Variants in UBE2L3 observed in about 807,000 individuals in gnomAD.
UBE2L3 encodes ubiquitin-conjugating enzyme E2 L3.
A neutral mutation model predicts 17.8 loss-of-function variants in UBE2L3; 1 was observed. The ratio of observed to expected loss-of-function variants is 0.06; its 90% confidence interval spans 0.02 to 0.27. The LOEUF (loss-of-function observed/expected upper bound fraction) is 0.27, where lower values mean the gene tolerates loss of function less well. UBE2L3 is among the 10% of genes least tolerant of loss of function. The pLI is 1.00. For missense variants in UBE2L3, 40 were observed against 192.6 expected (o/e 0.21, Z 4.69); for synonymous variants, 44 against 68.5 (o/e 0.64, Z 1.76).
At chr22:21,575,634 T>TTC (rs1927241440) in intron 1 of UBE2L3, among the ~76,000 whole-genome samples, 1 of 52,028 alleles carries the variant, frequency 1.9e-5, no homozygotes, top group Non-Finnish European at 3.9e-5. Context: ...TGAATAGCTT[T>TTC]TTTTTTTTTT....
At chr22:21,593,861 C>T (rs1327214396) in intron 2 of UBE2L3, among the ~76,000 whole-genome samples, 1 of 152,146 alleles carries the variant, frequency 6.6e-6, no homozygotes, top group Non-Finnish European at 1.5e-5. Context: ...CTCCTTCCTC[C>T]TCACTCTTAA....
chr22:21,584,622 A>G (rs185139774), intron 1 of UBE2L3, among the ~76,000 whole-genome samples: 1 of 151,312 alleles, frequency 6.6e-6, no homozygotes, highest in East Asian at 2.0e-4. Context: ...TGTAGAGATG[A>G]GGTCTTACTG....
At chr22:21,583,103 C>T (rs1013949676) in intron 1 of UBE2L3, among the ~76,000 whole-genome samples, 4 of 152,228 alleles carry the variant, frequency 2.6e-5, no homozygotes, top group Admixed American at 2.0e-4. Flanking sequence ...TTGGTAAACA[C>T]TGCAGCTAAA....
chr22:21,569,092 T>C (rs1166405893), intron 1 of UBE2L3, among the ~76,000 whole-genome samples: 1 of 152,126 alleles, frequency 6.6e-6, no homozygotes, highest in Non-Finnish European at 1.5e-5. Flanking sequence ...GATTTAAATT[T>C]AGAAAGATTT....
chr22:21,577,629 C>T (rs1302375579), intron 1 of UBE2L3, among the ~76,000 whole-genome samples: 2 of 152,138 alleles, frequency 1.3e-5, no homozygotes, highest in African/African-American at 4.8e-5. Flanking sequence ...GGGCCTTGCT[C>T]CTGCTTTTTA....
rs1417275638 is a variant in UBE2L3 at position 21,623,192 on chromosome 22, G to A, written c.*1523G>A. 1 of 152,296 alleles carries A rather than the reference G, an allele frequency of 6.6e-6. No homozygotes were observed. Among genetic ancestry groups the A allele is most frequent in the Non-Finnish European group, 1.5e-5 (1 of 68,046 alleles). The allele number at this position is 152,296 out of a possible 1,614,324, so 9.4% of individuals were successfully genotyped here. A position where few individuals can be genotyped will look rare whatever the true frequency, so the allele number is the denominator to read the frequency against. Reference sequence around the variant, plus strand: ...ATTCTATAACTTGAGATCTTTCCGGGGCCTACAGGCGTGTAAGACAGCTTG... The same window carrying A: ...ATTCTATAACTTGAGATCTTTCCGGAGCCTACAGGCGTGTAAGACAGCTTG... On this transcript the variant is annotated 3_prime_UTR_variant, in exon 4 of 4. Coordinates refer to ENST00000342192, the MANE Select transcript of UBE2L3 (RefSeq NM_003347.4).
At chr22:21,568,822 T>TCTCCA (rs1263186535) in intron 1 of UBE2L3, among the ~76,000 whole-genome samples, 5 of 152,168 alleles carry the variant, frequency 3.3e-5, no homozygotes, top group Non-Finnish European at 7.3e-5. Flanking sequence ...TTGGTAGAGC[T>TCTCCA]AGACATTGAA....
chr22:21,557,791 G>T (rs1375775058), intron 1 of UBE2L3, among the ~76,000 whole-genome samples: 1 of 152,276 alleles, frequency 6.6e-6, no homozygotes, highest in Non-Finnish European at 1.5e-5. Context: ...AAAGTGCTGG[G>T]ATTACAGGTG....
At chr22:21,568,302 G>T in intron 1 of UBE2L3, 1 of 985,766 alleles carries the variant, frequency 1.0e-6, no homozygotes, top group Non-Finnish European at 1.2e-6. Context: ...AGTTAGGTCA[G>T]TTTGTTGGTG....
chr22:21,582,013 A>G (rs1441939198), intron 1 of UBE2L3, among the ~76,000 whole-genome samples: 2 of 139,958 alleles, frequency 1.4e-5, no homozygotes, highest in African/African-American at 2.7e-5. Flanking sequence ...CCAGCTACTC[A>G]GGAGGCTGAG....
At chr22:21,567,643 T>C, upstream of UBE2L3, 1 of 1,545,602 alleles carries the variant, frequency 6.5e-7, no homozygotes, top group Non-Finnish European at 8.7e-7. Context: ...TCTGCTCCTG[T>C]GCCCCGCCCC....
upstream of UBE2L3, chr22:21,567,565 T>C: frequency 7.3e-7 from 1 of 1,373,750 alleles, no homozygotes; most frequent in Non-Finnish European, 9.7e-7. Context: ...AGGCCCAGTC[T>C]GTGCGGTTCA....
intron 1 of UBE2L3, among the ~76,000 whole-genome samples, chr22:21,560,391 A>G (rs1198121338): frequency 2.6e-5 from 4 of 152,068 alleles, no homozygotes; most frequent in Non-Finnish European, 1.5e-5. Context: ...CACTGCTGCC[A>G]GGACAGACGT....
At chr22:21,599,781 G>A (rs1231570137) in intron 2 of UBE2L3, among the ~76,000 whole-genome samples, 1 of 152,174 alleles carries the variant, frequency 6.6e-6, no homozygotes, top group Non-Finnish European at 1.5e-5. Context: ...TGTCTGGTGG[G>A]ATTTTTTGTT....
chr22:21,568,309 G>C, intron 1 of UBE2L3: 3 of 985,692 alleles, frequency 3.0e-6, no homozygotes, highest in Non-Finnish European at 3.6e-6. Flanking sequence ...TCAGTTTGTT[G>C]GTGGGTCGTT....
At chr22:21,605,533 T>A (rs1363769640) in intron 2 of UBE2L3, among the ~76,000 whole-genome samples, 1 of 152,120 alleles carries the variant, frequency 6.6e-6, no homozygotes, top group Non-Finnish European at 1.5e-5. Flanking sequence ...GAGATGGATT[T>A]TCACTTTTGT....
intron 1 of UBE2L3, among the ~76,000 whole-genome samples, chr22:21,575,073 A>G (rs1306321470): frequency 3.3e-5 from 5 of 151,580 alleles, no homozygotes; most frequent in Non-Finnish European, 5.9e-5. Context: ...CCTGGTCAAC[A>G]TGGTGAAACC....
rs1209409997 is a variant in UBE2L3 at position 21,623,972 on chromosome 22, T to C, written c.*2303T>C. The C allele has an allele frequency of 6.6e-6, 1 of 152,310 alleles. No individual in the cohort carries two copies. The highest frequency in any genetic ancestry group is 2.4e-5 in the African/African-American group (1 of 41,456). The allele number at this position is 152,310 out of a possible 1,614,324, so 9.4% of individuals were successfully genotyped here. ...CCCTACTCCCCACCACGGCAGAGAATAGGCTTTCTAAGATGCTGCGATCCC... is the reference window on the plus strand; with the variant it reads ...CCCTACTCCCCACCACGGCAGAGAACAGGCTTTCTAAGATGCTGCGATCCC... On this transcript the variant is annotated 3_prime_UTR_variant, in exon 4 of 4. Coordinates refer to ENST00000342192, the MANE Select transcript of UBE2L3 (RefSeq NM_003347.4).
chr22:21,599,641 A>G (rs147199058), intron 2 of UBE2L3, among the ~76,000 whole-genome samples: 206 of 152,322 alleles, frequency 1.4e-3, no homozygotes, highest in Non-Finnish European at 2.1e-3. Flanking sequence ...GAAAAAATAT[A>G]GGCAGTGTGA....
Sources: gnomAD v4.1 joint callset for allele counts (sites outside exome capture counted in the v4.1 genomes callset) on GRCh38, gnomAD v4.1.1 for gene constraint, MANE v1.5 for transcripts, NCBI Gene and HGNC (gene_info 2026-07-23, HGNC 2026-07-21) for gene names.